CFAP54: variants seen among roughly 807,000 people sequenced by gnomAD.
CFAP54 encodes cilia and flagella associated protein 54.
In CFAP54, 290 loss-of-function variants were observed where a neutral mutation model predicts 370.4. That is an observed-to-expected ratio of 0.78 (90% CI 0.71 to 0.86). CFAP54 has a LOEUF of 0.86. Ranked by LOEUF, CFAP54 falls within the 40% of genes least tolerant of loss-of-function variation. The pLI, the probability that CFAP54 is intolerant of heterozygous loss-of-function variation, is 0.00. For synonymous variants in CFAP54, 1,206 were observed against 1,236.5 expected (o/e 0.98, Z 0.52); for missense variants, 3,399 against 3,528.7 (o/e 0.96, Z 0.93).
Position 96,554,311 on chromosome 12 carries a change from G to T in CFAP54, c.2283+1G>T, listed in dbSNP as rs1311989653. 1 of 1,509,260 alleles carries T rather than the reference G, an allele frequency of 6.6e-7. No individual in the cohort carries two copies. The highest frequency in any genetic ancestry group is 1.4e-5 in the African/African-American group (1 of 71,536). The allele number at this position is 1,509,260 out of a possible 1,614,324, so 93.5% of individuals were successfully genotyped here. ...AGTAATTGACCACTGCTATGCCAAG[G>T]TAAGAATGGAAGAGTCTTAAATTAG... On this transcript the variant is annotated splice_donor_variant, in intron 16 of 67. Coordinates refer to ENST00000524981, the MANE Select transcript of CFAP54 (RefSeq NM_001306084.2). LOFTEE classifies it high-confidence loss of function.
At chr12:96,623,491 G>C (rs942776530) in intron 27 of CFAP54, among the ~76,000 whole-genome samples, 8 of 152,172 alleles carry the variant, frequency 5.3e-5, no homozygotes, top group Admixed American at 1.3e-4. Flanking sequence ...AGGTTTTGGA[G>C]GGGGCTGGTT....
chr12:96,564,666 AAAG>A lies in CFAP54; in HGVS notation c.2526_2528del (p.Lys842del). 1 of 638,754 alleles carries A rather than the reference AAAG, an allele frequency of 1.6e-6. No individual in the cohort carries two copies. The highest frequency in any genetic ancestry group is 2.8e-6 in the Non-Finnish European group (1 of 361,658). The allele number at this position is 638,754 out of a possible 1,614,324, so 39.6% of individuals were successfully genotyped here. On this transcript the variant is annotated inframe_deletion, in exon 19 of 68. Transcript: ENST00000524981. ...TAGAATTAAATATAATGAATAAAAT[AAAG>A]AAGAATACATTATCCAAAGCAATTT...
intron 50 of CFAP54, among the ~76,000 whole-genome samples, chr12:96,726,566 T>A (rs1957840743): frequency 2.0e-5 from 3 of 152,124 alleles, no homozygotes. Flanking sequence ...TCTTCTCTCT[T>A]TTTTTCTTTA....
rs574037537 is a variant in CFAP54, at chr12:96,580,007, T to G, written c.2797-590T>G. 2.0e-5 allele frequency among the ~76,000 whole-genome samples: 3 copies of G among 151,944 alleles called. No individual in the cohort carries two copies. In the East Asian group the frequency reaches 5.8e-4, roughly 29 times the overall value. ...TCTTACCATTTTATCATCCAAATCCTACTGCTGTTCTTATTTAGGGGTGTT... is the reference window on the plus strand; with the variant it reads ...TCTTACCATTTTATCATCCAAATCCGACTGCTGTTCTTATTTAGGGGTGTT... On this transcript the variant is annotated intron_variant, in intron 20 of 67. Transcript: ENST00000524981.
chr12:96,552,484 C>T lies in CFAP54; in HGVS notation c.2155-1698C>T, dbSNP rs191415818. Among the ~76,000 whole-genome samples the T allele has an allele frequency of 2.6e-3, 398 of 152,008 alleles. 1 individual carries two copies. The highest frequency in any genetic ancestry group is 9.1e-3 in the African/African-American group (379 of 41,490). On this transcript the variant is annotated intron_variant, in intron 15 of 67. Transcript: ENST00000524981. ...TCAGTCTCCCAAGTATGTGGGACTA[C>T]AGGTCTGCACCATCATGCCCGGCTA... is the stretch of plus-strand genomic sequence containing the variant.
At chr12:96,558,028 A>G (rs1955772859) in intron 17 of CFAP54, among the ~76,000 whole-genome samples, 1 of 152,092 alleles carries the variant, frequency 6.6e-6, no homozygotes, top group Admixed American at 6.6e-5. Flanking sequence ...TGAGTTTAGG[A>G]CAGTGGTTCC....
intron 26 of CFAP54, among the ~76,000 whole-genome samples, chr12:96,601,368 T>C (rs113973323): frequency 0.088 from 13,441 of 152,298 alleles, 781 homozygotes; most frequent in Middle Eastern, 0.14. Context: ...CAGTATTTTA[T>C]TGAGGATTTT....
intron 55 of CFAP54, among the ~76,000 whole-genome samples, chr12:96,747,319 AT>A (rs1205546557): frequency 2.0e-5 from 3 of 152,232 alleles, no homozygotes; most frequent in African/African-American, 7.2e-5. Flanking sequence ...TCATTGGAAA[AT>A]AGGGACTCCC....
chr12:96,641,658 G>A (rs1956728955), intron 32 of CFAP54, among the ~76,000 whole-genome samples: 1 of 152,138 alleles, frequency 6.6e-6, no homozygotes, highest in African/African-American at 2.4e-5. Context: ...ATTCACAATA[G>A]CAAAGACTTG....
At chr12:96,625,489 G>A (rs139555402) in intron 28 of CFAP54, among the ~76,000 whole-genome samples, 162 of 152,260 alleles carry the variant, frequency 1.1e-3, no homozygotes, top group Admixed American at 2.4e-3. Context: ...CTATTTGGTG[G>A]TGGACCCCTT....
chr12:96,690,885 T>C (rs1161833635), intron 43 of CFAP54, among the ~76,000 whole-genome samples: 1 of 152,168 alleles, frequency 6.6e-6, no homozygotes, highest in Non-Finnish European at 1.5e-5. Context: ...AATATAATGA[T>C]AATTTCTTTG....
intron 66 of CFAP54, among the ~76,000 whole-genome samples, chr12:96,834,546 T>C (rs1023271245): frequency 2.6e-5 from 4 of 152,222 alleles, no homozygotes; most frequent in African/African-American, 9.6e-5. Flanking sequence ...GGGCGCCAGC[T>C]CTCTGCAAGG....
chr12:96,503,655 G>A (rs1283730224), intron 2 of CFAP54, among the ~76,000 whole-genome samples: 1 of 152,150 alleles, frequency 6.6e-6, no homozygotes, highest in African/African-American at 2.4e-5. Context: ...TTGTGGTCAT[G>A]ATGGTCCCAT....
intron 26 of CFAP54, among the ~76,000 whole-genome samples, chr12:96,614,776 T>A (rs1220153655): frequency 3.3e-5 from 5 of 152,060 alleles, no homozygotes; most frequent in African/African-American, 1.2e-4. Context: ...TCAAAGAGAA[T>A]AAAATACCTA....
intron 22 of CFAP54, among the ~76,000 whole-genome samples, chr12:96,585,122 A>G (rs1295596982): frequency 6.6e-6 from 1 of 150,460 alleles, no homozygotes; most frequent in Non-Finnish European, 1.5e-5. Flanking sequence ...TTGACAACTG[A>G]CTTGTGACTT....
chr12:96,708,447 T>C (rs538948785), intron 47 of CFAP54, among the ~76,000 whole-genome samples, 161 bp from the exon 48 acceptor site: 1 of 152,298 alleles, frequency 6.6e-6, no homozygotes, highest in African/African-American at 2.4e-5. Flanking sequence ...ATGGTTCCGA[T>C]GTTACATGTC....
At chr12:96,750,420 C>T (rs1230494217) in intron 55 of CFAP54, among the ~76,000 whole-genome samples, 2 of 152,206 alleles carry the variant, frequency 1.3e-5, no homozygotes, top group Non-Finnish European at 2.9e-5. Flanking sequence ...TCCTCCCTCT[C>T]GTTATTATTA....
At chr12:96,546,191 C>T (rs571228748) in intron 14 of CFAP54, among the ~76,000 whole-genome samples, 2 of 152,114 alleles carry the variant, frequency 1.3e-5, no homozygotes, top group African/African-American at 4.8e-5. Flanking sequence ...TCTGTGTGAT[C>T]TGACTCTATC....
chr12:96,858,084 A>G (rs1959763098), intron 66 of CFAP54, among the ~76,000 whole-genome samples: 1 of 152,146 alleles, frequency 6.6e-6, no homozygotes, highest in Non-Finnish European at 1.5e-5. Context: ...GAATCACCAT[A>G]CTGCTTTCCA....
Sources: allele counts gnomAD v4.1 joint callset (sites outside exome capture counted in the v4.1 genomes callset), GRCh38; gene constraint gnomAD v4.1.1; transcripts MANE v1.5; gene names NCBI Gene and HGNC (gene_info 2026-07-23, HGNC 2026-07-21).